EFCAB6: variants seen among roughly 807,000 people sequenced by gnomAD.
EFCAB6 encodes the protein EF-hand calcium binding domain 6, also known as EF-hand calcium-binding domain-containing protein 6.
In EFCAB6, 156 loss-of-function variants were observed where a neutral mutation model predicts 169.8. That is an observed-to-expected ratio of 0.92 (90% CI 0.81 to 1.05). The LOEUF is 1.05. Ranked by LOEUF, EFCAB6 falls within the 50% of genes least tolerant of loss-of-function variation. EFCAB6 has a pLI of 0.00. For synonymous variants in EFCAB6, 698 were observed against 676.4 expected (o/e 1.03, Z -0.50); for missense variants, 1,800 against 1,829.1 (o/e 0.98, Z 0.29).
At chr22:43,698,278 G>A (rs1483171751) in intron 10 of EFCAB6, among the ~76,000 whole-genome samples, 1 of 152,108 alleles carries the variant, frequency 6.6e-6, no homozygotes, top group African/African-American at 2.4e-5. Flanking sequence ...GCAGACAGCT[G>A]GTAAAGATTA....
At chr22:43,544,417 T>C (rs1602162799) in intron 27 of EFCAB6, among the ~76,000 whole-genome samples, 1 of 152,248 alleles carries the variant, frequency 6.6e-6, no homozygotes, top group African/African-American at 2.4e-5. Context: ...AGCTAGAAGG[T>C]ACTGTGCCCA....
At chr22:43,576,616 T>C in intron 25 of EFCAB6, 128 bp from the exon 26 acceptor site, 1 of 698,922 alleles carries the variant, frequency 1.4e-6, no homozygotes, top group Non-Finnish European at 2.1e-6. Context: ...TTGTAAATTC[T>C]AAATTACTAA....
chr22:43,715,906 T>C (rs538523534), intron 9 of EFCAB6, among the ~76,000 whole-genome samples: 1 of 152,372 alleles, frequency 6.6e-6, no homozygotes, highest in South Asian at 2.1e-4. Flanking sequence ...CATCCGTCTA[T>C]TGAACATTTT....
intron 1 of EFCAB6, among the ~76,000 whole-genome samples, chr22:43,809,860 C>G (rs913427824): frequency 5.9e-5 from 9 of 151,292 alleles, no homozygotes; most frequent in Non-Finnish European, 2.9e-5. Context: ...ACCGCCTCGG[C>G]CTCCCAAAGT....
At chr22:43,794,255 T>C (rs1392944926) in intron 2 of EFCAB6, among the ~76,000 whole-genome samples, 1 of 152,234 alleles carries the variant, frequency 6.6e-6, no homozygotes, top group Non-Finnish European at 1.5e-5. Context: ...GTCCTTCAAC[T>C]AGCAATAACC....
chr22:43,695,898 T>A (rs1223628852), intron 10 of EFCAB6, among the ~76,000 whole-genome samples: 2 of 152,072 alleles, frequency 1.3e-5, no homozygotes, highest in African/African-American at 4.8e-5. Flanking sequence ...TTTGTGATAC[T>A]AGGTTAGGCA....
intron 6 of EFCAB6, among the ~76,000 whole-genome samples, chr22:43,750,849 G>T (rs888270537): frequency 3.3e-5 from 5 of 152,112 alleles, no homozygotes; most frequent in African/African-American, 1.2e-4. Context: ...TCTTCATGAG[G>T]ATATTACAGA....
Position 43,600,228 on chromosome 22 carries a change from T to C in EFCAB6, c.2717A>G (p.Gln906Arg). The change falls in exon 23 of 32, where the codon CAG (glutamine) becomes CGG (arginine). Residue 906 changes from glutamine (Q) to arginine (R), a missense_variant. Transcript: ENST00000262726. The stretch of plus-strand genomic sequence containing the variant: ...AATACCCAATTTCTGTAAAAATTCC[T>C]GGTAAGTAATGTGCCCTTTTCCCTC... Reference protein sequence around the residue: ...DTEGKGHITYQEFLQKLGINY... With the variant: ...DTEGKGHITYREFLQKLGINY... 6.2e-7 allele frequency: 1 copy of C among 1,614,156 alleles called. No individual in the cohort carries two copies. Among genetic ancestry groups the C allele is most frequent in the South Asian group, 1.1e-5 (1 of 91,074 alleles).
chr22:43,592,711 T>C (rs1327626090), intron 23 of EFCAB6, among the ~76,000 whole-genome samples: 2 of 152,140 alleles, frequency 1.3e-5, no homozygotes, highest in African/African-American at 4.8e-5. Context: ...TTATGGCCAA[T>C]GGACGGCCAC....
chr22:43,667,662 C>G (rs1297710588), intron 16 of EFCAB6, among the ~76,000 whole-genome samples: 1 of 152,052 alleles, frequency 6.6e-6, no homozygotes, highest in South Asian at 2.1e-4. Flanking sequence ...AAGTCAGAGC[C>G]CATTAGAAAG....
chr22:43,719,026 G>C (rs917190694), intron 8 of EFCAB6, among the ~76,000 whole-genome samples: 3 of 152,170 alleles, frequency 2.0e-5, no homozygotes, highest in Admixed American at 1.3e-4. Context: ...TACTCTCATG[G>C]CACATTTCGG....
At chr22:43,633,614 T>C (rs1405039521) in intron 18 of EFCAB6, among the ~76,000 whole-genome samples, 2 of 152,160 alleles carry the variant, frequency 1.3e-5, no homozygotes, top group Non-Finnish European at 2.9e-5. Context: ...CCGTTTCCAT[T>C]AGGCTGGGGT....
chr22:43,666,219 G>T (rs184146943), intron 17 of EFCAB6, among the ~76,000 whole-genome samples: 2 of 152,098 alleles, frequency 1.3e-5, no homozygotes, highest in Non-Finnish European at 2.9e-5. Context: ...GTCTTGTCTT[G>T]TTCTGGCTGG....
intron 23 of EFCAB6, among the ~76,000 whole-genome samples, chr22:43,596,256 C>A (rs2052001082): frequency 6.6e-6 from 1 of 151,752 alleles, no homozygotes; most frequent in Non-Finnish European, 1.5e-5. Context: ...AGCAATTAAG[C>A]AAGAGAAAGA....
At chr22:43,607,727 G>C (rs1352753818) in intron 22 of EFCAB6, among the ~76,000 whole-genome samples, 2 of 152,224 alleles carry the variant, frequency 1.3e-5, no homozygotes, top group Non-Finnish European at 2.9e-5. Context: ...GGTTTCATAA[G>C]TTTGCCTCCT....
At chr22:43,729,737 G>C (rs993632487) in intron 8 of EFCAB6, among the ~76,000 whole-genome samples, 5 of 151,334 alleles carry the variant, frequency 3.3e-5, no homozygotes, top group Non-Finnish European at 5.9e-5. Flanking sequence ...AAAATAAGAT[G>C]GAAAATAATA....
chr22:43,647,614 G>A (rs1019543461), intron 17 of EFCAB6, among the ~76,000 whole-genome samples: 2 of 152,190 alleles, frequency 1.3e-5, no homozygotes, highest in African/African-American at 2.4e-5. Flanking sequence ...TGGAGCTGGG[G>A]TCTTTTCAGT....
At chr22:43,535,166 AG>A (rs2047311414) in intron 29 of EFCAB6, 2 of 318,850 alleles carry the variant, frequency 6.3e-6, no homozygotes, top group South Asian at 1.2e-4. Flanking sequence ...GAGGGAGGTA[AG>A]GGGGTGTTCC....
chr22:43,621,757 C>A lies in EFCAB6; in HGVS notation c.2465+4690G>T, dbSNP rs538146203. Among the ~76,000 whole-genome samples, 9 of 152,116 alleles carry A rather than the reference C, an allele frequency of 5.9e-5. No individual in the cohort carries two copies. The South Asian group carries it at 8.3e-4, about 14-fold the overall frequency. ...AAATCAATAAAAACAAAAGCTAGTT[C>A]TTTTAAAAGATCTGTGAAAGTGGGA... On this transcript the variant is annotated intron_variant, in intron 20 of 31. Transcript: ENST00000262726.
Sources: allele counts gnomAD v4.1 joint callset (sites outside exome capture counted in the v4.1 genomes callset), GRCh38; gene constraint gnomAD v4.1.1; transcripts MANE v1.5; gene names NCBI Gene and HGNC (gene_info 2026-07-23, HGNC 2026-07-21).